ABCA9: variants seen among roughly 807,000 people sequenced by gnomAD.
The protein encoded by ABCA9 is ATP binding cassette subfamily A member 9.
ABCA9 carries 183 observed loss-of-function variants against 205.3 expected under a neutral mutation model. That is an observed-to-expected ratio of 0.89 (90% CI 0.79 to 1.01). ABCA9 has a LOEUF of 1.01. Ranked by LOEUF, ABCA9 falls within the 50% of genes least tolerant of loss-of-function variation. The pLI is 0.00. For synonymous variants in ABCA9, 651 were observed against 683.3 expected (o/e 0.95, Z 0.74); for missense variants, 1,805 against 1,912.4 (o/e 0.94, Z 1.05).
chr17:69,038,145 G>A (rs2144410166), intron 6 of ABCA9, among the ~76,000 whole-genome samples: 1 of 152,142 alleles, frequency 6.6e-6, no homozygotes, highest in Non-Finnish European at 1.5e-5. Context: ...AGTACAAAGG[G>A]GAGCTGGTAC....
chr17:69,042,649 A>G (rs1341270245), intron 6 of ABCA9: 4 of 152,238 alleles, frequency 2.6e-5, no homozygotes, highest in Admixed American at 2.6e-4. Flanking sequence ...ATATATGGTA[A>G]CTAGTGACCA....
upstream of ABCA9, chr17:69,060,950 T>G (rs546577737): frequency 3.0e-6 from 3 of 985,426 alleles, no homozygotes; most frequent in African/African-American, 5.2e-5. Flanking sequence ...ACATTCCTTT[T>G]GGGTCACTAC....
rs899899071 is a variant in ABCA9 at position 69,035,946 on chromosome 17, C to T, written c.801-145G>A. The T allele has an allele frequency of 5.1e-6, 5 of 988,750 alleles. No individual in the cohort carries two copies. The African/African-American group carries it at 8.3e-5, about 16-fold the overall frequency. 61.2% of individuals were successfully genotyped at this position (988,750 alleles called of 1,614,324 possible). The stretch of plus-strand genomic sequence containing the variant: ...CAATAGCTAACTTATCTCCTACCCT[C>T]AGGATCACATAATATAAAAGAAGGT... On this transcript the variant is annotated intron_variant, in intron 6 of 38. Transcript: ENST00000340001.
chr17:69,021,298 TAGC>T, intron 18 of ABCA9, among the ~76,000 whole-genome samples: 2 of 151,974 alleles, frequency 1.3e-5, no homozygotes, highest in Non-Finnish European at 2.9e-5. Flanking sequence ...AAAATTATCT[TAGC>T]AGCAATAAGA....
chr17:69,008,257 C>A (rs1448780000), intron 23 of ABCA9, 22 bp from the exon 24 acceptor site: 2 of 1,607,410 alleles, frequency 1.2e-6, no homozygotes, highest in Non-Finnish European at 1.7e-6. Context: ...ATAGAAGAAT[C>A]ATCAAAAGGT....
rs1171301538 is a variant in ABCA9, at chr17:69,027,832, G to A, written c.1616-17C>T. ...TGACTGAACCTGAAAGCAGAAGGCA[G>A]AGAGTGACCATCAGGAAAATGTGTC... is the stretch of plus-strand genomic sequence containing the variant. On this transcript the variant is annotated splice_polypyrimidine_tract_variant and intron_variant, in intron 12 of 38. Transcript: ENST00000340001. 2.5e-6 allele frequency: 4 copies of A among 1,571,090 alleles called. No homozygotes were observed. Among genetic ancestry groups the A allele is most frequent in the Non-Finnish European group, 3.5e-6 (4 of 1,155,384 alleles).
intron 19 of ABCA9, chr17:69,019,734 A>G (rs2070751877): frequency 6.6e-6 from 1 of 152,254 alleles, no homozygotes; most frequent in East Asian, 1.9e-4. Flanking sequence ...ATAAGGCTGA[A>G]GCTCTGGGGG....
Position 68,985,132 on chromosome 17 carries a change from A to C in ABCA9, c.4209-4T>G, listed in dbSNP as rs1375280184. On this transcript the variant is annotated splice_polypyrimidine_tract_variant and splice_region_variant and intron_variant, in intron 32 of 38. Coordinates refer to ENST00000340001, the MANE Select transcript of ABCA9 (RefSeq NM_080283.4). ...CAGCTTGAGCGCATCCACTAACCTG[A>C]AGAAAACAGAGTCAATCCACATAAT... 6.2e-7 allele frequency: 1 copy of C among 1,614,100 alleles called. No individual in the cohort carries two copies. Among genetic ancestry groups the C allele is most frequent in the African/African-American group, 1.3e-5 (1 of 74,934 alleles).
chr17:68,999,047 T>A (rs913194791), intron 25 of ABCA9, among the ~76,000 whole-genome samples: 6 of 152,062 alleles, frequency 3.9e-5, no homozygotes, highest in Non-Finnish European at 7.4e-5. Flanking sequence ...TCTACTGAGA[T>A]CTTCTATTTG....
chr17:69,007,200 T>A (rs1989446), intron 25 of ABCA9, among the ~76,000 whole-genome samples: 1 of 152,172 alleles, frequency 6.6e-6, no homozygotes. Flanking sequence ...CAGGAGTTCA[T>A]GACCAGCCTG....
chr17:69,012,022 G>A lies in ABCA9; in HGVS notation c.3101C>T (p.Ala1034Val). 6.2e-7 allele frequency: 1 copy of A among 1,613,116 alleles called. No homozygotes were observed. Among genetic ancestry groups the A allele is most frequent in the South Asian group, 1.1e-5 (1 of 90,930 alleles). The change falls in exon 23 of 39, where the codon GCC becomes GTC. Residue 1034 changes from alanine to valine, a missense_variant. By Grantham distance (64) the Ala-to-Val change is moderately conservative. Transcript: ENST00000340001. ...SNTFFWIPMA[A>V]SFTPYIAMSS... is the part of the protein sequence containing the mutation. ...CATTGCAATGTATGGAGTGAAAGAG[G>A]CTGCCATCGGTATCCAGAAGAAGGT...
At chr17:69,049,192 G>T (rs2071818172) in intron 3 of ABCA9, 91 bp downstream of exon 3, 1 of 1,319,642 alleles carries the variant, frequency 7.6e-7, no homozygotes, top group Non-Finnish European at 1.0e-6. Context: ...CTAGAAACTT[G>T]AACATTCAAC....
At chr17:69,040,252 C>T (rs945927207) in intron 6 of ABCA9, among the ~76,000 whole-genome samples, 1 of 152,170 alleles carries the variant, frequency 6.6e-6, no homozygotes, top group Non-Finnish European at 1.5e-5. Context: ...AAGACACATG[C>T]ACACGTATAT....
chr17:68,988,963 A>G lies in ABCA9; in HGVS notation c.4047+64T>C. The G allele has an allele frequency of 5.0e-6, 5 of 993,036 alleles. No individual in the cohort carries two copies. In the South Asian group the frequency reaches 6.8e-5, roughly 14 times the overall value. 61.5% of individuals were successfully genotyped at this position (993,036 alleles called of 1,614,324 possible). A position where few individuals can be genotyped will look rare whatever the true frequency, so the allele number is the denominator to read the frequency against. On this transcript the variant is annotated intron_variant, in intron 31 of 38. Coordinates refer to ENST00000340001, the MANE Select transcript of ABCA9 (RefSeq NM_080283.4). ...TGATTATGGATCAACTACATAGTCT[A>G]TTATTGCCATCAATATTCTTTGTAG...
intron 31 of ABCA9, 62 bp from the exon 32 acceptor site, chr17:68,986,386 T>A: frequency 6.8e-7 from 1 of 1,466,362 alleles, no homozygotes; most frequent in Non-Finnish European, 9.2e-7. Context: ...TATATGCATG[T>A]AAGCCGTACT....
At chr17:69,077,788 C>T in the ABCA9 span, among the ~76,000 whole-genome samples, 2 of 151,836 alleles carry the variant, frequency 1.3e-5, no homozygotes, top group Non-Finnish European at 2.9e-5. Flanking sequence ...AGAAGGAATA[C>T]TGCTTGGTCT....
intron 22 of ABCA9, 130 bp downstream of exon 22, chr17:69,016,123 T>TATATATATATATATATATAC (rs1270372994): frequency 2.0e-5 from 2 of 102,278 alleles, no homozygotes; most frequent in African/African-American, 6.0e-5. Context: ...TATATATATA[T>TATATATATATATATATATAC]ACACACACAC....
chr17:69,007,229 C>T (rs571496672), intron 25 of ABCA9, among the ~76,000 whole-genome samples: 3 of 152,058 alleles, frequency 2.0e-5, no homozygotes, highest in Admixed American at 6.5e-5. Context: ...GGTGAAACCC[C>T]GTCTCTACTA....
At chr17:69,038,105 C>A (rs952651298) in intron 6 of ABCA9, among the ~76,000 whole-genome samples, 1 of 152,010 alleles carries the variant, frequency 6.6e-6, no homozygotes, top group African/African-American at 2.4e-5. Flanking sequence ...AGCTCAGGAC[C>A]AAACAGATTC....
Sources: allele counts gnomAD v4.1 joint callset (sites outside exome capture counted in the v4.1 genomes callset), GRCh38; gene constraint gnomAD v4.1.1; transcripts MANE v1.5; gene names NCBI Gene and HGNC (gene_info 2026-07-23, HGNC 2026-07-21).